Variants in RAB11FIP3 observed in about 807,000 individuals in gnomAD.
The protein encoded by RAB11FIP3 is RAB11 family interacting protein 3.
Under a neutral mutation model 77.8 loss-of-function variants are expected in RAB11FIP3, and 17 were observed. That is an observed-to-expected ratio of 0.22 (90% CI 0.15 to 0.33). RAB11FIP3 has a LOEUF of 0.33. RAB11FIP3 is among the 10% of genes least tolerant of loss of function. RAB11FIP3 has a pLI of 1.00. For synonymous variants in RAB11FIP3, 437 were observed against 448.2 expected (o/e 0.98, Z 0.31); for missense variants, 1,005 against 1,011.2 (o/e 0.99, Z 0.08).
intron 9 of RAB11FIP3, among the ~76,000 whole-genome samples, chr16:517,664 G>T (rs2032478402): frequency 2.0e-5 from 3 of 152,234 alleles, no homozygotes; most frequent in African/African-American, 7.2e-5. Flanking sequence ...TCTGCAGAGT[G>T]TCCCAATGTG....
intron 11 of RAB11FIP3, 50 bp downstream of exon 11, chr16:519,941 C>A: frequency 6.5e-7 from 1 of 1,533,506 alleles, no homozygotes; most frequent in Non-Finnish European, 8.8e-7. Flanking sequence ...GCCTGCCCCA[C>A]GGGGAGCCTT....
chr16:500,996 G>C (rs1265588432), intron 6 of RAB11FIP3, among the ~76,000 whole-genome samples: 1 of 152,170 alleles, frequency 6.6e-6, no homozygotes, highest in African/African-American at 2.4e-5. Context: ...AACATGATCT[G>C]TATCAGCAGC....
chr16:507,526 C>T lies in RAB11FIP3; in HGVS notation c.1499+1899C>T, dbSNP rs2031932193. On this transcript the variant is annotated intron_variant, in intron 8 of 13. Transcript: ENST00000262305. The surrounding 1 kb of genome is among the most constrained non-coding windows in gnomAD (Gnocchi z 4.6). ...CCCCCCAAAGTGCTGAAATCAGAGG[C>T]GTGAGCCACCATGTCCAGCCTAGAT... Among the ~76,000 whole-genome samples, 2 of 152,230 alleles carry T rather than the reference C, an allele frequency of 1.3e-5. No individual in the cohort carries two copies. Among genetic ancestry groups the T allele is most frequent in the South Asian group, 4.1e-4 (2 of 4,832 alleles).
chr16:456,455 A>C (rs1487958077), intron 1 of RAB11FIP3, among the ~76,000 whole-genome samples: 2 of 149,184 alleles, frequency 1.3e-5, no homozygotes, highest in Non-Finnish European at 3.0e-5. Flanking sequence ...AAAAAAAAGA[A>C]AAAGAAAAAG....
At chr16:454,503 G>C (rs2055463452) in intron 1 of RAB11FIP3, among the ~76,000 whole-genome samples, 1 of 152,140 alleles carries the variant, frequency 6.6e-6, no homozygotes, top group Non-Finnish European at 1.5e-5. Flanking sequence ...GCCGAGTCTA[G>C]TCGTTCACAT....
chr16:464,280 C>T (rs949241319), intron 2 of RAB11FIP3, among the ~76,000 whole-genome samples: 2 of 152,206 alleles, frequency 1.3e-5, no homozygotes, highest in African/African-American at 4.8e-5. Context: ...CTCAGTCTAA[C>T]TGATAAGCTG....
At chr16:490,972 C>A (rs748257364) in intron 5 of RAB11FIP3, among the ~76,000 whole-genome samples, 1 of 152,200 alleles carries the variant, frequency 6.6e-6, no homozygotes, top group African/African-American at 2.4e-5. Context: ...GGGCTCACTG[C>A]GGTCTAAAGG....
Position 520,717 on chromosome 16 carries a change from G to T in RAB11FIP3, c.2158-9G>T. ...GCGCCTCAGCTCTGACCACCTGCTTGCCCTACAGCTCATGGAGGCGATTCA... is the reference window on the plus strand; with the variant it reads ...GCGCCTCAGCTCTGACCACCTGCTTTCCCTACAGCTCATGGAGGCGATTCA... On this transcript the variant is annotated splice_polypyrimidine_tract_variant and intron_variant, in intron 13 of 13. Transcript: ENST00000262305. 6.2e-7 allele frequency: 1 copy of T among 1,613,460 alleles called. No individual in the cohort carries two copies. Among genetic ancestry groups the T allele is most frequent in the Non-Finnish European group, 8.5e-7 (1 of 1,179,894 alleles).
intron 5 of RAB11FIP3, among the ~76,000 whole-genome samples, chr16:489,780 G>GGCTGTCCCTCGC (rs57580580): frequency 6.6e-6 from 1 of 151,754 alleles, no homozygotes; most frequent in Non-Finnish European, 1.5e-5. Flanking sequence ...GTGCAGGAGG[G>GGCTGTCCCTCGC]GCTGAGCAGC....
chr16:499,258 C>A (rs757111857), intron 6 of RAB11FIP3, among the ~76,000 whole-genome samples: 1 of 152,148 alleles, frequency 6.6e-6, no homozygotes, highest in South Asian at 2.1e-4. Context: ...AGGAACGTGA[C>A]GTGCATCCCC....
At chr16:437,039 G>T (rs1462973087) in intron 1 of RAB11FIP3, among the ~76,000 whole-genome samples, 1 of 152,138 alleles carries the variant, frequency 6.6e-6, no homozygotes, top group Non-Finnish European at 1.5e-5. Flanking sequence ...ACTTTGAGAG[G>T]CTGGGGAGGG....
intron 4 of RAB11FIP3, 139 bp from the exon 5 acceptor site, chr16:488,712 T>C: frequency 3.4e-6 from 1 of 295,456 alleles, no homozygotes; most frequent in Non-Finnish European, 4.8e-6. Context: ...TCCAGCCCAC[T>C]TTTTTTTTTT....
At chr16:513,453 A>G (rs1263856024) in intron 9 of RAB11FIP3, among the ~76,000 whole-genome samples, 1 of 152,138 alleles carries the variant, frequency 6.6e-6, no homozygotes, top group Non-Finnish European at 1.5e-5. Context: ...TCTTAGCTTT[A>G]AGTGATTCTC....
At chr16:466,706 G>T (rs561578345) in intron 2 of RAB11FIP3, among the ~76,000 whole-genome samples, 1 of 152,332 alleles carries the variant, frequency 6.6e-6, no homozygotes, top group African/African-American at 2.4e-5. Flanking sequence ...CTTAGTGGTT[G>T]CCCAGCCACC....
intron 1 of RAB11FIP3, among the ~76,000 whole-genome samples, chr16:434,349 C>G (rs909014222): frequency 6.6e-6 from 1 of 152,226 alleles, no homozygotes; most frequent in African/African-American, 2.4e-5. Flanking sequence ...GTCTCGCGCT[C>G]CTGACCTCAA....
intron 5 of RAB11FIP3, among the ~76,000 whole-genome samples, chr16:490,948 C>T (rs1171324726): frequency 6.6e-6 from 1 of 152,226 alleles, no homozygotes; most frequent in Non-Finnish European, 1.5e-5. Flanking sequence ...CTCCTGGAGG[C>T]AGCTGAGGGA....
At chr16:509,760 C>G (rs143917300) in intron 8 of RAB11FIP3, among the ~76,000 whole-genome samples, 3,468 of 152,286 alleles carry the variant, frequency 0.023, 55 homozygotes, top group Non-Finnish European at 0.033. Flanking sequence ...GCCCCCCCCC[C>G]ACTTGTGGCC....
At chr16:441,034 A>G (rs1038569592) in intron 1 of RAB11FIP3, among the ~76,000 whole-genome samples, 2 of 151,808 alleles carry the variant, frequency 1.3e-5, no homozygotes, top group African/African-American at 4.8e-5. Context: ...TCCAGCTCCC[A>G]GGTTCAAGCG....
At chr16:484,076 C>T (rs1222187483) in intron 4 of RAB11FIP3, among the ~76,000 whole-genome samples, 3 of 152,160 alleles carry the variant, frequency 2.0e-5, no homozygotes, top group Non-Finnish European at 4.4e-5. Flanking sequence ...GAATAAACCT[C>T]TTCAAATATT....
Sources: allele counts gnomAD v4.1 joint callset (sites outside exome capture counted in the v4.1 genomes callset), GRCh38; gene constraint gnomAD v4.1.1; non-coding constraint Gnocchi (gnomAD v3.1); transcripts MANE v1.5; gene names NCBI Gene and HGNC (gene_info 2026-07-23, HGNC 2026-07-21).